Variants in CNTLN observed in about 807,000 individuals in gnomAD.
CNTLN encodes centlein, centrosomal protein.
Under a neutral mutation model 180.0 loss-of-function variants are expected in CNTLN, and 212 were observed. That is an observed-to-expected ratio of 1.18 (90% CI 1.05 to 1.32). The LOEUF is 1.32. CNTLN is among the 40% of genes most tolerant of loss of function. The pLI is 0.00. For missense variants in CNTLN, 2,095 were observed against 1,610.9 expected (o/e 1.30, Z -5.14); for synonymous variants, 722 against 563.1 (o/e 1.28, Z -3.99).
At chr9:17,362,609 A>G (rs1276976756) in intron 12 of CNTLN, among the ~76,000 whole-genome samples, 1 of 152,222 alleles carries the variant, frequency 6.6e-6, no homozygotes, top group Non-Finnish European at 1.5e-5. Flanking sequence ...AACAATAATT[A>G]CAACAACTTG....
chr9:17,326,113 G>A (rs1438798239), intron 8 of CNTLN, among the ~76,000 whole-genome samples: 1 of 152,004 alleles, frequency 6.6e-6, no homozygotes, highest in Non-Finnish European at 1.5e-5. Flanking sequence ...AATTAGCTCT[G>A]TGAGTCAGTG....
In CNTLN at chr9:17,135,337, G is replaced by A. The variant is rs965105329; in HGVS notation, c.272G>A (p.Gly91Asp). The change falls in exon 1 of 26, where the codon GGC (glycine) becomes GAC (aspartate). Residue 91 changes from glycine to aspartate, a missense_variant. By Grantham distance (94) the Gly-to-Asp change is moderately conservative. Coordinates refer to ENST00000380647, the MANE Select transcript of CNTLN (RefSeq NM_017738.4). The stretch of plus-strand genomic sequence containing the variant: ...CCCATGGGGTCCAGACGGCTAGAGG[G>A]CATCTCGGTAGAGGAGGCGATGGTG... ...SAPMGSRRLE[G>D]ISVEEAMVTR... 14 of 1,601,802 alleles carry A rather than the reference G, an allele frequency of 8.7e-6. No individual in the cohort carries two copies. The African/African-American group carries it at 1.7e-4, about 20-fold the overall frequency.
the CNTLN span, among the ~76,000 whole-genome samples, chr9:17,524,768 T>C: frequency 6.6e-6 from 1 of 152,236 alleles, no homozygotes; most frequent in Admixed American, 6.5e-5. Context: ...ATTTTATGTG[T>C]GCTTTAGGCA....
chr9:17,492,293 A>G (rs1048800918), intron 25 of CNTLN, among the ~76,000 whole-genome samples: 1 of 150,274 alleles, frequency 6.7e-6, no homozygotes, highest in African/African-American at 2.5e-5. Context: ...TTCTTATTTT[A>G]TTGTTTTCTT....
intron 15 of CNTLN, among the ~76,000 whole-genome samples, chr9:17,401,534 G>C (rs147016273): frequency 0.011 from 1,634 of 148,618 alleles, 81 homozygotes; most frequent in African/African-American, 0.04. Flanking sequence ...ACCGTGCCTG[G>C]CTAATTTTTC....
At chr9:17,328,543 A>T (rs1017605439) in intron 8 of CNTLN, among the ~76,000 whole-genome samples, 1 of 152,228 alleles carries the variant, frequency 6.6e-6, no homozygotes, top group African/African-American at 2.4e-5. Context: ...TACTTAAAAA[A>T]ATGGTTTTAT....
At position 17,143,312 on chromosome 9, in the gene CNTLN, T is replaced by G. The variant is rs376348905; in HGVS notation, c.385T>G (p.Leu129Val). ...CQADKEFVWS[L>V]WKRLQVTNPD... Reference sequence around the variant, plus strand: ...GGCTGATAAAGAATTTGTATGGTCTTTGTGGAAACGTCTCCAGGTTACAAA... The same window carrying G: ...GGCTGATAAAGAATTTGTATGGTCTGTGTGGAAACGTCTCCAGGTTACAAA... The change falls in exon 2 of 26, where the codon TTG becomes GTG. Residue 129 changes from leucine (L) to valine (V), a missense_variant. Coordinates refer to ENST00000380647, the MANE Select transcript of CNTLN (RefSeq NM_017738.4). 9.2e-5 allele frequency: 149 copies of G among 1,613,452 alleles called. No individual in the cohort carries two copies. Among genetic ancestry groups the G allele is most frequent in the Non-Finnish European group, 1.2e-4 (139 of 1,179,662 alleles).
Position 17,299,572 on chromosome 9 carries a change from T to C in CNTLN, c.1146+1220T>C, listed in dbSNP as rs182725372. On this transcript the variant is annotated intron_variant, in intron 7 of 25. Coordinates refer to ENST00000380647, the MANE Select transcript of CNTLN (RefSeq NM_017738.4). ...ACAGTGGTTTTCAGTGTGTGTTTTGTGTTGCCTTTGTGTTTTCCCAAGGAC... is the reference window on the plus strand; with the variant it reads ...ACAGTGGTTTTCAGTGTGTGTTTTGCGTTGCCTTTGTGTTTTCCCAAGGAC... 3 of 985,404 alleles carry C rather than the reference T, an allele frequency of 3.0e-6. No individual in the cohort carries two copies. In the East Asian group the frequency reaches 3.4e-4, roughly 112 times the overall value. The allele number at this position is 985,404 out of a possible 1,614,324, so 61.0% of individuals were successfully genotyped here.
chr9:17,308,435 A>G (rs1014164968), intron 7 of CNTLN, among the ~76,000 whole-genome samples: 2 of 152,030 alleles, frequency 1.3e-5, no homozygotes, highest in African/African-American at 4.8e-5. Flanking sequence ...TTTGTCTCTT[A>G]CTATTCCTCT....
intron 5 of CNTLN, among the ~76,000 whole-genome samples, chr9:17,261,388 C>T (rs953947986): frequency 5.3e-5 from 8 of 151,290 alleles, no homozygotes; most frequent in Non-Finnish European, 1.0e-4. Flanking sequence ...AGATCTTTCA[C>T]CTTCTTGTTT....
chr9:17,211,032 T>C (rs555007855), intron 2 of CNTLN, among the ~76,000 whole-genome samples: 4 of 152,238 alleles, frequency 2.6e-5, no homozygotes, highest in Admixed American at 2.0e-4. Flanking sequence ...GGTAGTTTCT[T>C]TTGCTGTGCA....
chr9:17,306,289 A>G (rs894390060), intron 7 of CNTLN, among the ~76,000 whole-genome samples: 44 of 151,596 alleles, frequency 2.9e-4, no homozygotes, highest in Non-Finnish European at 1.3e-4. Context: ...AGCTGGGATT[A>G]CAGGCGTGTG....
At chr9:17,248,792 A>G (rs1243897267) in intron 5 of CNTLN, among the ~76,000 whole-genome samples, 1 of 151,618 alleles carries the variant, frequency 6.6e-6, no homozygotes, top group Non-Finnish European at 1.5e-5. Context: ...ATGAGTAGCA[A>G]GATTGAGTCA....
At chr9:17,325,089 A>C (rs1444387400) in intron 8 of CNTLN, among the ~76,000 whole-genome samples, 1 of 151,186 alleles carries the variant, frequency 6.6e-6, no homozygotes, top group African/African-American at 2.4e-5. Context: ...ATGAAGTATA[A>C]ATTTAAACTA....
chr9:17,157,756 T>G (rs1819400540), intron 2 of CNTLN, among the ~76,000 whole-genome samples: 1 of 152,224 alleles, frequency 6.6e-6, no homozygotes, highest in Non-Finnish European at 1.5e-5. Flanking sequence ...TGTCATATTT[T>G]TTACTTAGTA....
chr9:17,421,579 T>A (rs1168623502), intron 18 of CNTLN, among the ~76,000 whole-genome samples: 1 of 152,124 alleles, frequency 6.6e-6, no homozygotes, highest in Admixed American at 6.5e-5. Flanking sequence ...GTATTATTAT[T>A]CATAGATGAG....
intron 2 of CNTLN, among the ~76,000 whole-genome samples, chr9:17,164,597 C>T (rs537920591): frequency 6.7e-6 from 1 of 149,642 alleles, no homozygotes; most frequent in Non-Finnish European, 1.5e-5. Context: ...CAGGCGTGCT[C>T]CACAACAGCC....
the CNTLN span, among the ~76,000 whole-genome samples, chr9:17,514,726 C>T: frequency 2.6e-5 from 4 of 152,306 alleles, no homozygotes; most frequent in African/African-American, 7.2e-5. Flanking sequence ...GTCAGCCAAG[C>T]CATAGACTCC....
chr9:17,427,316 A>G (rs920009969), intron 18 of CNTLN, among the ~76,000 whole-genome samples: 4 of 32,672 alleles, frequency 1.2e-4, no homozygotes, highest in African/African-American at 2.9e-4. Flanking sequence ...TTTCAGCAAT[A>G]CTCGAAAAGA....
Sources: allele counts gnomAD v4.1 joint callset (sites outside exome capture counted in the v4.1 genomes callset), GRCh38; gene constraint gnomAD v4.1.1; transcripts MANE v1.5; gene names NCBI Gene and HGNC (gene_info 2026-07-23, HGNC 2026-07-21).